BCOR: variants seen among roughly 807,000 people sequenced by gnomAD.
BCOR encodes the protein BCL-6 corepressor.
Under a neutral mutation model 86.7 loss-of-function variants are expected in BCOR, and 10 were observed. The ratio of observed to expected loss-of-function variants is 0.12; its 90% CI spans 0.07 to 0.20. BCOR has a LOEUF of 0.20. BCOR is among the 10% of genes least tolerant of loss of function. BCOR has a pLI of 1.00. For missense variants in BCOR, 1,259 were observed against 1,452.1 expected (o/e 0.87, Z 2.16); for synonymous variants, 611 against 609.0 (o/e 1.00, Z -0.05).
intron 10 of BCOR, 41 bp from the exon 11 acceptor site, chrX:40,057,362 C>G (rs776933021): frequency 1.5e-5 from 17 of 1,168,005 alleles, no homozygotes; most frequent in Non-Finnish European, 1.6e-5. Context: ...GATCACTGCA[C>G]AATGACCTTG....
chrX:40,133,005 T>C (rs12391714), intron 1 of BCOR, among the ~76,000 whole-genome samples: 1 of 112,464 alleles, frequency 8.9e-6, no homozygotes, highest in African/African-American at 3.2e-5. Context: ...AACCGGACAG[T>C]GAAACCCACT....
At chrX:40,175,076 G>A (rs1449337712) in intron 1 of BCOR, among the ~76,000 whole-genome samples, 1 of 106,691 alleles carries the variant, frequency 9.4e-6, no homozygotes, top group African/African-American at 3.4e-5. Context: ...CAAGCACCAG[G>A]AACGGAGGCC....
At chrX:40,163,935 A>C (rs1392974963) in intron 1 of BCOR, among the ~76,000 whole-genome samples, 1 of 109,316 alleles carries the variant, frequency 9.1e-6, no homozygotes, top group Non-Finnish European at 1.9e-5. Context: ...GAGGCAGGAG[A>C]ATCTCTTGAA....
Position 40,077,669 on chromosome X carries a change from G to A in BCOR, c.86+175C>T, listed in dbSNP as rs752560847. The A allele has an allele frequency of 5.3e-4, 240 of 455,799 alleles. 1 individual carries two copies. Among genetic ancestry groups the A allele is most frequent in the Non-Finnish European group, 8.3e-4 (214 of 258,771 alleles). 37.6% of individuals were successfully genotyped at this position (455,799 alleles called of 1,213,427 possible). A position where few individuals can be genotyped will look rare whatever the true frequency, so the allele number is the denominator to read the frequency against. On this transcript the variant is annotated intron_variant, in intron 2 of 14. Transcript: ENST00000378444. ...TTAGGGGCTAATCTTTTAAAGGGCG[G>A]CAATGCTTCACTGAGCCAGGTTGCC...
rs142236686 is a variant in BCOR, at chrX:40,074,864, G to A, written c.482C>T (p.Ala161Val). Residue 161 changes from alanine (A) to valine (V), a missense_variant, in exon 4 of 15, where the codon GCC becomes GTC. Physicochemically the swap from Ala to Val is moderately conservative, Grantham distance 64. This residue lies in a region of BCOR where 174 missense variants were observed against 189.3 expected (regional missense o/e 0.92). Coordinates refer to ENST00000378444, the MANE Select transcript of BCOR (RefSeq NM_001123385.2). ...TPPGIQKSAV[A>V]TAEALGLDRP... ...GTCCAAGCCCAGCGCTTCTGCTGTGGCTACAGCACTTTTTTGTATTCCAGG... is the reference window on the plus strand; with the variant it reads ...GTCCAAGCCCAGCGCTTCTGCTGTGACTACAGCACTTTTTTGTATTCCAGG... 384 of 1,209,550 alleles carry A rather than the reference G, an allele frequency of 3.2e-4. 1 individual carries two copies. The highest frequency in any genetic ancestry group is 1.4e-4 in the African/African-American group (8 of 57,014).
intron 14 of BCOR, 148 bp downstream of exon 14, chrX:40,053,738 G>A (rs1407920249): frequency 1.5e-6 from 1 of 667,136 alleles, no homozygotes; most frequent in Non-Finnish European, 2.3e-6. Flanking sequence ...TACCCTTTCT[G>A]GAAAATATCT....
At chrX:40,094,387 C>T (rs1015724691) in intron 1 of BCOR, among the ~76,000 whole-genome samples, 1 of 112,794 alleles carries the variant, frequency 8.9e-6, no homozygotes, top group African/African-American at 3.2e-5. Context: ...CGGACAGAAC[C>T]CGGGGAGCGT....
intron 1 of BCOR, among the ~76,000 whole-genome samples, 182 bp downstream of exon 1, chrX:40,097,033 T>C (rs926778716): frequency 8.9e-6 from 1 of 112,509 alleles, no homozygotes; most frequent in African/African-American, 3.2e-5. Context: ...GCATTTTAAA[T>C]AACATAGCTA....
At chrX:40,110,661 C>CTTT (rs1569182584) in intron 1 of BCOR, among the ~76,000 whole-genome samples, 2 of 24,725 alleles carry the variant, frequency 8.1e-5, no homozygotes, top group Admixed American at 6.3e-4. Flanking sequence ...TTCTTTTTTC[C>CTTT]TTTTTCTTTT....
intron 1 of BCOR, among the ~76,000 whole-genome samples, chrX:40,128,502 C>A (rs935830837): frequency 1.5e-4 from 17 of 111,423 alleles, no homozygotes; most frequent in Non-Finnish European, 1.1e-4. Context: ...GCCCAGATCA[C>A]GCCACCGCAC....
At chrX:40,064,681 A>G in intron 6 of BCOR, 82 bp from the exon 7 acceptor site, 1 of 1,077,184 alleles carries the variant, frequency 9.3e-7, no homozygotes, top group Admixed American at 2.2e-5. Flanking sequence ...GCGTGGGACC[A>G]CCATGCCCAA....
chrX:40,164,089 C>A (rs1938469639), intron 1 of BCOR, among the ~76,000 whole-genome samples: 1 of 111,757 alleles, frequency 8.9e-6, no homozygotes, highest in Non-Finnish European at 1.9e-5. Context: ...TTTTCTGGAG[C>A]CCTGAGCTGC....
chrX:40,084,746 C>CG (rs1936279543), intron 1 of BCOR, among the ~76,000 whole-genome samples: 1 of 104,271 alleles, frequency 9.6e-6, no homozygotes, highest in African/African-American at 3.6e-5. Context: ...CAAGCTATAC[C>CG]GTAAGGCTAA....
intron 1 of BCOR, among the ~76,000 whole-genome samples, chrX:40,155,696 A>G (rs1437592768): frequency 8.9e-6 from 1 of 112,731 alleles, no homozygotes; most frequent in Non-Finnish European, 1.9e-5. Flanking sequence ...CGGTGTCTGA[A>G]GACGCTGCTG....
chrX:40,109,124 G>C (rs1204330989), intron 1 of BCOR, among the ~76,000 whole-genome samples: 1 of 112,230 alleles, frequency 8.9e-6, no homozygotes, highest in Non-Finnish European at 1.9e-5. Context: ...GGGGGCGGGA[G>C]GCGAACCCGG....
intron 1 of BCOR, among the ~76,000 whole-genome samples, chrX:40,143,949 T>C (rs771795780): frequency 1.2e-3 from 136 of 112,366 alleles, no homozygotes; most frequent in African/African-American, 4.4e-3. Flanking sequence ...AGAGCAAGAC[T>C]CCGTCCTGAG....
chrX:40,123,478 G>A (rs1025915169), intron 1 of BCOR, among the ~76,000 whole-genome samples: 2 of 110,081 alleles, frequency 1.8e-5, no homozygotes, highest in African/African-American at 6.6e-5. Flanking sequence ...TCAGCCTCCC[G>A]AGTAGCTGGG....
intron 1 of BCOR, among the ~76,000 whole-genome samples, chrX:40,155,507 G>C (rs1359797931): frequency 9.0e-6 from 1 of 110,685 alleles, no homozygotes; most frequent in East Asian, 2.9e-4. Context: ...GAGGAAGTGG[G>C]AGAGGCGTCC....
At chrX:40,137,956 CT>C (rs1193753521) in intron 1 of BCOR, among the ~76,000 whole-genome samples, 188 of 104,342 alleles carry the variant, frequency 1.8e-3, no homozygotes, top group Middle Eastern at 5.0e-3. Flanking sequence ...CTCCAAATAT[CT>C]TTTTTTTTTT....
Sources: gnomAD v4.1 joint callset for allele counts (sites outside exome capture counted in the v4.1 genomes callset) on GRCh38, gnomAD v4.1.1 for gene constraint, gnomAD v4.1.1 regional missense constraint, MANE v1.5 for transcripts, NCBI Gene and HGNC (gene_info 2026-07-23, HGNC 2026-07-21) for gene names.